Variants in BCAS3 observed in about 807,000 individuals in gnomAD.
The protein encoded by BCAS3 is BCAS3 microtubule associated cell migration factor, also known as BCAS4/BCAS3 fusion.
Under a neutral mutation model 116.1 loss-of-function variants are expected in BCAS3, and 53 were observed. The observed-to-expected ratio is 0.46, with a 90% confidence interval of 0.37 to 0.57. BCAS3 has a LOEUF of 0.57. Ranked by LOEUF, BCAS3 falls within the 20% of genes least tolerant of loss-of-function variation. BCAS3 has a pLI of 0.00. For synonymous variants in BCAS3, 391 were observed against 408.2 expected (o/e 0.96, Z 0.51); for missense variants, 917 against 1,165.4 (o/e 0.79, Z 3.10).
chr17:61,223,016 CT>C, intron 22 of BCAS3, among the ~76,000 whole-genome samples: 1 of 152,164 alleles, frequency 6.6e-6, no homozygotes, highest in Non-Finnish European at 1.5e-5. Flanking sequence ...CCCAAAATCA[CT>C]AGTTTAATTC....
intron 2 of BCAS3, among the ~76,000 whole-genome samples, chr17:60,681,100 G>C (rs1197134899): frequency 1.3e-5 from 2 of 152,184 alleles, no homozygotes; most frequent in African/African-American, 2.4e-5. Flanking sequence ...AGCTACTCGG[G>C]AGGCTGAGAT....
rs534908559 is a variant in BCAS3, at chr17:60,994,559, G to A, written c.1486+4324G>A. ...GGAATGTTAGCTATAAATATGATCT[G>A]CCAATTTTCTGCTTAAGATCTTTGT... is the stretch of plus-strand genomic sequence containing the variant. On this transcript the variant is annotated intron_variant, in intron 15 of 23. Coordinates refer to ENST00000407086, the MANE Select transcript of BCAS3 (RefSeq NM_017679.5). This position sits in a 1 kb window ranked among gnomAD's most constrained non-coding sequence, Gnocchi z 4.4. Among the ~76,000 whole-genome samples, 8 of 152,146 alleles carry A rather than the reference G, an allele frequency of 5.3e-5. No individual in the cohort carries two copies. Among genetic ancestry groups the A allele is most frequent in the Non-Finnish European group, 1.0e-4 (7 of 67,988 alleles).
intron 23 of BCAS3, among the ~76,000 whole-genome samples, chr17:61,384,929 G>A (rs1459813510): frequency 1.3e-5 from 2 of 152,290 alleles, no homozygotes; most frequent in South Asian, 2.1e-4. Flanking sequence ...GAGGGAAAGC[G>A]CAGGGGAGCC....
At chr17:60,712,382 GAAA>G in intron 5 of BCAS3, among the ~76,000 whole-genome samples, 1 of 140,468 alleles carries the variant, frequency 7.1e-6, no homozygotes, top group East Asian at 2.1e-4. Context: ...TCTTGGGAAG[GAAA>G]AAAAAAAAAG....
chr17:61,007,008 A>G lies in BCAS3; in HGVS notation c.1487-8743A>G, dbSNP rs1158249498. The stretch of plus-strand genomic sequence containing the variant: ...ACTCTTAATAAACTTTCTTCATTCC[A>G]AAATCTTGGAGTGCTCTAAGAATAA... On this transcript the variant is annotated intron_variant, in intron 15 of 23. Transcript: ENST00000407086. This position sits in a 1 kb window ranked among gnomAD's most constrained non-coding sequence, Gnocchi z 4.3. 1.3e-5 allele frequency among the ~76,000 whole-genome samples: 2 copies of G among 152,086 alleles called. No individual in the cohort carries two copies. Among genetic ancestry groups the G allele is most frequent in the Non-Finnish European group, 2.9e-5 (2 of 67,978 alleles).
chr17:61,042,020 C>A (rs144120970), intron 19 of BCAS3, among the ~76,000 whole-genome samples: 2 of 151,970 alleles, frequency 1.3e-5, no homozygotes, highest in Admixed American at 1.3e-4. Flanking sequence ...ATAAATTGAA[C>A]TGTGAGAGCA....
rs1421500679 is a variant in BCAS3 at position 61,012,958 on chromosome 17, C to A, written c.1487-2793C>A. 1.3e-5 allele frequency among the ~76,000 whole-genome samples: 2 copies of A among 152,062 alleles called. No individual in the cohort carries two copies. The highest frequency in any genetic ancestry group is 3.8e-4 in the East Asian group (2 of 5,196). ...GCTCAATTGAGAGGTCCTCCTAAAA[C>A]TGAAATATTTTATCTGCCATAGTTA... On this transcript the variant is annotated intron_variant, in intron 15 of 23. Coordinates refer to ENST00000407086, the MANE Select transcript of BCAS3 (RefSeq NM_017679.5). The surrounding 1 kb of genome is among the most constrained non-coding windows in gnomAD (Gnocchi z 4.5).
intron 14 of BCAS3, among the ~76,000 whole-genome samples, chr17:60,947,931 G>T (rs2145250485): frequency 6.6e-6 from 1 of 152,032 alleles, no homozygotes; most frequent in South Asian, 2.1e-4. Context: ...TACAAATCAG[G>T]GCTATTTTTT....
rs1600890424 is a variant in BCAS3, at chr17:61,063,805, G to A, written c.2030-11115G>A. Among the ~76,000 whole-genome samples, 2 of 152,266 alleles carry A rather than the reference G, an allele frequency of 1.3e-5. No individual in the cohort carries two copies. Among genetic ancestry groups the A allele is most frequent in the South Asian group, 4.1e-4 (2 of 4,828 alleles). On this transcript the variant is annotated intron_variant, in intron 19 of 23. Coordinates refer to ENST00000407086, the MANE Select transcript of BCAS3 (RefSeq NM_017679.5). This position sits in a 1 kb window ranked among gnomAD's most constrained non-coding sequence, Gnocchi z 5.3. ...TAATCATTGGTCCTCTTCAATTAAG[G>A]CACAAAGAAGATGAATTTTTTTCCT...
At chr17:61,090,600 A>T (rs2073471234) in intron 22 of BCAS3, among the ~76,000 whole-genome samples, 2 of 152,214 alleles carry the variant, frequency 1.3e-5, no homozygotes, top group African/African-American at 2.4e-5. Context: ...CCATAAGGAA[A>T]ATGCTCAGCT....
At position 60,960,824 on chromosome 17, in the gene BCAS3, A is replaced by G. The variant is rs938277497; in HGVS notation, c.1221+13472A>G. Among the ~76,000 whole-genome samples the G allele has an allele frequency of 1.3e-5, 2 of 150,298 alleles. No homozygotes were observed. The highest frequency in any genetic ancestry group is 3.0e-5 in the Non-Finnish European group (2 of 67,678). On this transcript the variant is annotated intron_variant, in intron 14 of 23. Coordinates refer to ENST00000407086, the MANE Select transcript of BCAS3 (RefSeq NM_017679.5). The surrounding 1 kb of genome is among the most constrained non-coding windows in gnomAD (Gnocchi z 4.1). ...ATGCCTTTGTGCCTTTCAGTCCAAGATGGCGGTGTTTCTGCAGATACTACA... is the reference window on the plus strand; with the variant it reads ...ATGCCTTTGTGCCTTTCAGTCCAAGGTGGCGGTGTTTCTGCAGATACTACA...
chr17:61,308,875 T>C (rs1292803032), intron 22 of BCAS3, among the ~76,000 whole-genome samples: 1 of 152,180 alleles, frequency 6.6e-6, no homozygotes, highest in Non-Finnish European at 1.5e-5. Context: ...TTATTTATGG[T>C]TTGAGTTTTT....
intron 2 of BCAS3, among the ~76,000 whole-genome samples, chr17:60,681,820 C>T (rs951359585): frequency 4.6e-5 from 7 of 151,494 alleles, no homozygotes; most frequent in African/African-American, 1.7e-4. Flanking sequence ...ACCTCCGCCT[C>T]CTGGGTTCAA....
chr17:61,209,905 A>G (rs1300277799), intron 22 of BCAS3, among the ~76,000 whole-genome samples: 1 of 152,066 alleles, frequency 6.6e-6, no homozygotes, highest in Admixed American at 6.6e-5. Context: ...TCCGCCCAAT[A>G]TTCGTCTTTT....
At chr17:61,372,397 A>G (rs1271587259) in intron 23 of BCAS3, among the ~76,000 whole-genome samples, 1 of 152,156 alleles carries the variant, frequency 6.6e-6, no homozygotes, top group Non-Finnish European at 1.5e-5. Context: ...GTACCTGGCA[A>G]TCTCTGCTTC....
rs939638806 is a variant in BCAS3 at position 60,990,939 on chromosome 17, C to G, written c.1486+704C>G. On this transcript the variant is annotated intron_variant, in intron 15 of 23. Coordinates refer to ENST00000407086, the MANE Select transcript of BCAS3 (RefSeq NM_017679.5). The surrounding 1 kb of genome is among the most constrained non-coding windows in gnomAD (Gnocchi z 5.1). ...GGGATTACAGACATGAGCCACCGCA[C>G]CCAGCCTGCATTTTATTTTAAAATG... Among the ~76,000 whole-genome samples the G allele has an allele frequency of 2.0e-5, 3 of 152,158 alleles. No homozygotes were observed. Among genetic ancestry groups the G allele is most frequent in the African/African-American group, 7.2e-5 (3 of 41,432 alleles).
intron 22 of BCAS3, among the ~76,000 whole-genome samples, chr17:61,264,363 G>A (rs888471864): frequency 1.3e-5 from 2 of 150,372 alleles, no homozygotes; most frequent in Non-Finnish European, 3.0e-5. Context: ...TTGTATAGCA[G>A]TAAGAATGAA....
intron 7 of BCAS3, among the ~76,000 whole-genome samples, chr17:60,838,638 T>G (rs974015685): frequency 2.6e-5 from 4 of 152,138 alleles, no homozygotes; most frequent in Non-Finnish European, 4.4e-5. Context: ...CTATAGACAA[T>G]AAAGAAATGA....
rs778413424 is a variant in BCAS3 at position 61,087,014 on chromosome 17, G to A, written c.2425+2450G>A. On this transcript the variant is annotated intron_variant, in intron 22 of 23. Transcript: ENST00000407086. The surrounding 1 kb of genome is among the most constrained non-coding windows in gnomAD (Gnocchi z 4.6). ...AACATCTAGGCTAACAAAAATCAAG[G>A]TAGCAAGTCTAACGAAATCGAGGCT... 159 of 985,010 alleles carry A rather than the reference G, an allele frequency of 1.6e-4. No homozygotes were observed. Among genetic ancestry groups the A allele is most frequent in the Non-Finnish European group, 1.9e-4 (154 of 829,684 alleles). The allele number at this position is 985,010 out of a possible 1,614,324, so 61.0% of individuals were successfully genotyped here. A position where few individuals can be genotyped will look rare whatever the true frequency, so the allele number is the denominator to read the frequency against.
Sources: gnomAD v4.1 joint callset for allele counts (sites outside exome capture counted in the v4.1 genomes callset) on GRCh38, gnomAD v4.1.1 for gene constraint, Gnocchi (gnomAD v3.1) non-coding constraint, MANE v1.5 for transcripts, NCBI Gene and HGNC (gene_info 2026-07-23, HGNC 2026-07-21) for gene names.